NGF: variants seen among roughly 807,000 people sequenced by gnomAD.
NGF encodes nerve growth factor, also known as beta-nerve growth factor.
A neutral mutation model predicts 12.8 loss-of-function variants in NGF; 4 were observed. That is an observed-to-expected ratio of 0.31 (90% CI 0.15 to 0.72). The LOEUF (loss-of-function observed/expected upper bound fraction) is 0.72. Among genes scored for constraint, NGF ranks in the 30% least tolerant of loss-of-function variants. NGF has a pLI of 0.69. For missense variants in NGF, 283 were observed against 330.8 expected, an observed-to-expected ratio of 0.86 and a Z score of 1.12; for synonymous variants, 140 against 130.0, an observed-to-expected ratio of 1.08 and a Z score of -0.52.
rs368973980 is a variant in NGF, at chr1:115,337,261, G to GT, written c.-137+942dup. Among the ~76,000 whole-genome samples the GT allele has an allele frequency of 6.0e-3, 70 of 11,754 alleles. 2 individuals are homozygous for GT. Among genetic ancestry groups the GT allele is most frequent in the Non-Finnish European group, 0.01 (54 of 5,206 alleles). 7.7% of individuals were successfully genotyped at this position (11,754 alleles called of 152,430 possible). On this transcript the variant is annotated intron_variant, in intron 1 of 2. Transcript: ENST00000369512. The stretch of plus-strand genomic sequence containing the variant: ...AGAATCTCGAAATTTTTTTTGTTTT[G>GT]TTTTTGTTTTTTTTTTTTTTTTTTT...
chr1:115,335,227 A>G (rs1655076681), intron 1 of NGF, among the ~76,000 whole-genome samples: 1 of 152,164 alleles, frequency 6.6e-6, no homozygotes, highest in South Asian at 2.1e-4. Context: ...AGCCTAATAA[A>G]AGACCGAGGA....
intron 2 of NGF, among the ~76,000 whole-genome samples, chr1:115,290,386 C>CTTTTTTT (rs67332447): frequency 1.6e-5 from 1 of 64,412 alleles, no homozygotes; most frequent in Non-Finnish European, 2.9e-5. Context: ...CTTCTCTCAT[C>CTTTTTTT]TTTTTTTTTT....
chr1:115,297,898 G>C (rs1215108970), intron 1 of NGF, among the ~76,000 whole-genome samples: 1 of 152,216 alleles, frequency 6.6e-6, no homozygotes, highest in Non-Finnish European at 1.5e-5. Context: ...CTGGGCATCA[G>C]GAATTTGTAA....
intron 1 of NGF, among the ~76,000 whole-genome samples, chr1:115,327,631 T>C (rs1193042470): frequency 1.3e-5 from 2 of 152,194 alleles, no homozygotes; most frequent in African/African-American, 4.8e-5. Flanking sequence ...CCATTTGTCA[T>C]TGCAATTTTC....
chr1:115,311,032 T>C (rs1329214344), intron 1 of NGF, among the ~76,000 whole-genome samples: 1 of 152,160 alleles, frequency 6.6e-6, no homozygotes, highest in African/African-American at 2.4e-5. Context: ...GGTATTCTAT[T>C]TTGGGCAAAC....
chr1:115,331,717 C>T (rs1445336972), intron 1 of NGF, among the ~76,000 whole-genome samples: 12 of 152,210 alleles, frequency 7.9e-5, no homozygotes, highest in Non-Finnish European at 7.3e-5. Flanking sequence ...TCTAGTTTTT[C>T]ACAGCCCCAG....
intron 1 of NGF, among the ~76,000 whole-genome samples, chr1:115,312,456 G>A (rs1023351834): frequency 5.3e-5 from 8 of 152,082 alleles, no homozygotes; most frequent in Non-Finnish European, 1.2e-4. Context: ...GAAGTGACAC[G>A]ACAAAGGCAC....
At chr1:115,320,265 T>G (rs1326979168) in intron 1 of NGF, among the ~76,000 whole-genome samples, 1 of 152,222 alleles carries the variant, frequency 6.6e-6, no homozygotes, top group African/African-American at 2.4e-5. Flanking sequence ...ATATACACTA[T>G]GTTTTTTTCC....
chr1:115,336,515 C>A (rs1456258775), intron 1 of NGF, among the ~76,000 whole-genome samples: 1 of 152,214 alleles, frequency 6.6e-6, no homozygotes, highest in Non-Finnish European at 1.5e-5. Context: ...CGCCTGTCTC[C>A]TCTGACCCTC....
intron 2 of NGF, among the ~76,000 whole-genome samples, chr1:115,292,962 G>A (rs1282451798): frequency 1.3e-5 from 2 of 151,964 alleles, no homozygotes; most frequent in African/African-American, 4.8e-5. Context: ...GGGCAGCTGT[G>A]CTGGATACAT....
chr1:115,297,875 C>A (rs573816432), intron 1 of NGF, among the ~76,000 whole-genome samples: 2 of 152,310 alleles, frequency 1.3e-5, no homozygotes, highest in African/African-American at 4.8e-5. Flanking sequence ...ATTTCATTGA[C>A]CTGGAGTGCT....
At chr1:115,332,252 G>T (rs747756385) in intron 1 of NGF, among the ~76,000 whole-genome samples, 4 of 152,188 alleles carry the variant, frequency 2.6e-5, no homozygotes, top group Middle Eastern at 3.2e-3. Context: ...GGAGAAGTTT[G>T]CCTCTGAAAG....
chr1:115,315,303 A>G (rs1429931374), intron 1 of NGF, among the ~76,000 whole-genome samples: 5 of 152,210 alleles, frequency 3.3e-5, no homozygotes, highest in Admixed American at 6.5e-5. Context: ...GAGAAACCGG[A>G]AGATCAGTTA....
chr1:115,321,095 TAA>T (rs1654611791), intron 1 of NGF, among the ~76,000 whole-genome samples: 1 of 152,204 alleles, frequency 6.6e-6, no homozygotes, highest in Non-Finnish European at 1.5e-5. Flanking sequence ...CTCTGCCCAC[TAA>T]GATGCAGTAT....
intron 1 of NGF, among the ~76,000 whole-genome samples, chr1:115,301,864 G>A (rs188181669): frequency 6.6e-6 from 1 of 152,206 alleles, no homozygotes; most frequent in Non-Finnish European, 1.5e-5. Flanking sequence ...GCCAGGCACT[G>A]TAAAGTTAAT....
intron 1 of NGF, among the ~76,000 whole-genome samples, chr1:115,325,511 G>A (rs1654747964): frequency 6.6e-6 from 1 of 152,092 alleles, no homozygotes; most frequent in African/African-American, 2.4e-5. Context: ...ATTGCCAAAT[G>A]TCCCCTAGGA....
intron 1 of NGF, among the ~76,000 whole-genome samples, chr1:115,300,866 G>C (rs551426071): frequency 6.6e-6 from 1 of 152,128 alleles, no homozygotes; most frequent in Non-Finnish European, 1.5e-5. Context: ...TCCCACATGG[G>C]CTCCTATTAT....
At chr1:115,332,728 C>T (rs1358664177) in intron 1 of NGF, among the ~76,000 whole-genome samples, 2 of 152,162 alleles carry the variant, frequency 1.3e-5, no homozygotes, top group African/African-American at 4.8e-5. Context: ...AACTTAGGGA[C>T]AGGAGAGGCC....
At chr1:115,308,901 A>T (rs991307384) in intron 1 of NGF, among the ~76,000 whole-genome samples, 1 of 152,190 alleles carries the variant, frequency 6.6e-6, no homozygotes, top group African/African-American at 2.4e-5. Flanking sequence ...TTCAACTTTC[A>T]TTCTGCATGA....
Sources: allele counts gnomAD v4.1 joint callset (sites outside exome capture counted in the v4.1 genomes callset), GRCh38; gene constraint gnomAD v4.1.1; transcripts MANE v1.5; gene names NCBI Gene and HGNC (gene_info 2026-07-23, HGNC 2026-07-21).